Variants in TTLL5 observed in about 807,000 individuals in gnomAD.
The protein encoded by TTLL5 is tubulin tyrosine ligase like 5.
A neutral mutation model predicts 168.4 loss-of-function variants in TTLL5; 132 were observed. The observed-to-expected ratio is 0.78, with a 90% CI of 0.68 to 0.91. The LOEUF (loss-of-function observed/expected upper bound fraction) is 0.91. Ranked by LOEUF, TTLL5 falls within the 40% of genes least tolerant of loss-of-function variation. TTLL5 has a pLI of 0.00. For synonymous variants in TTLL5, 546 were observed against 558.6 expected (o/e 0.98, Z 0.32); for missense variants, 1,545 against 1,581.5 (o/e 0.98, Z 0.39).
chr14:75,687,263 A>G (rs1885132831), intron 5 of TTLL5, among the ~76,000 whole-genome samples: 1 of 152,138 alleles, frequency 6.6e-6, no homozygotes, highest in African/African-American at 2.4e-5. Flanking sequence ...GAAAAAATTG[A>G]TAAATTTGAC....
chr14:75,906,952 T>A (rs1225573634), intron 31 of TTLL5, among the ~76,000 whole-genome samples: 1 of 152,178 alleles, frequency 6.6e-6, no homozygotes, highest in Non-Finnish European at 1.5e-5. Context: ...ATACGAGGAT[T>A]TTAAGACAAT....
intron 22 of TTLL5, 105 bp downstream of exon 22, chr14:75,775,735 T>C (rs1290519170): frequency 2.2e-6 from 3 of 1,381,644 alleles, no homozygotes; most frequent in East Asian, 4.7e-5. Context: ...CTTCTTCTGT[T>C]CTCTGGCATC....
intron 6 of TTLL5, among the ~76,000 whole-genome samples, chr14:75,690,957 A>G (rs1183083169): frequency 2.6e-5 from 4 of 152,192 alleles, no homozygotes; most frequent in Non-Finnish European, 4.4e-5. Context: ...TGAATTATAC[A>G]TGCTTCCTTT....
intron 4 of TTLL5, among the ~76,000 whole-genome samples, chr14:75,681,844 T>G (rs1884638189): frequency 6.6e-6 from 1 of 152,030 alleles, no homozygotes; most frequent in Admixed American, 6.6e-5. Flanking sequence ...AAAAATTTTT[T>G]CTTGCTACGT....
chr14:75,870,670 TA>T (rs1254700982), intron 29 of TTLL5, among the ~76,000 whole-genome samples: 1 of 152,218 alleles, frequency 6.6e-6, no homozygotes, highest in East Asian at 1.9e-4. Context: ...CTGTTACTGG[TA>T]ATGCTATTTT....
At chr14:75,954,171 T>A (rs1216720871) in intron 31 of TTLL5, among the ~76,000 whole-genome samples, 1 of 146,342 alleles carries the variant, frequency 6.8e-6, no homozygotes, top group Non-Finnish European at 1.5e-5. Context: ...GAGAATGGTG[T>A]GAACCCGGGA....
At chr14:75,890,176 T>C (rs750635855) in intron 30 of TTLL5, among the ~76,000 whole-genome samples, 1 of 152,098 alleles carries the variant, frequency 6.6e-6, no homozygotes, top group Admixed American at 6.6e-5. Flanking sequence ...CCGCCACACA[T>C]AGGGAAGATG....
At chr14:75,827,851 G>C (rs1238172821) in intron 28 of TTLL5, among the ~76,000 whole-genome samples, 1 of 150,794 alleles carries the variant, frequency 6.6e-6, no homozygotes, top group African/African-American at 2.4e-5. Flanking sequence ...CCAAGTAGCT[G>C]GGACTACATG....
intron 28 of TTLL5, among the ~76,000 whole-genome samples, chr14:75,846,660 C>T (rs1235689013): frequency 2.0e-5 from 3 of 152,068 alleles, no homozygotes; most frequent in East Asian, 1.9e-4. Flanking sequence ...CATGGTGGCG[C>T]GTGCCCGTAA....
At chr14:75,897,729 T>C (rs2032735030) in intron 30 of TTLL5, among the ~76,000 whole-genome samples, 1 of 152,128 alleles carries the variant, frequency 6.6e-6, no homozygotes. Context: ...TGCCTCAGCC[T>C]CCCAAAGTGC....
chr14:75,946,001 T>C (rs912197045), intron 31 of TTLL5, among the ~76,000 whole-genome samples: 1 of 152,206 alleles, frequency 6.6e-6, no homozygotes, highest in Non-Finnish European at 1.5e-5. Context: ...AAAATATCTT[T>C]CATGAATGAG....
At chr14:75,917,473 AG>A (rs1254460260) in intron 31 of TTLL5, among the ~76,000 whole-genome samples, 1 of 152,220 alleles carries the variant, frequency 6.6e-6, no homozygotes, top group Non-Finnish European at 1.5e-5. Flanking sequence ...GCTGGTGATC[AG>A]GCCCTGTGGC....
At position 75,771,716 on chromosome 14, in the gene TTLL5, T is replaced by C. The variant is rs1566596876; in HGVS notation, c.2016-18T>C. The C allele has an allele frequency of 1.9e-6, 3 of 1,612,944 alleles. No individual in the cohort carries two copies. The highest frequency in any genetic ancestry group is 2.5e-6 in the Non-Finnish European group (3 of 1,179,656). ...ACACTTCTGTCACATAACGGTATGT[T>C]GTTTTGGATTTCTATAGCAAAATGC... On this transcript the variant is annotated intron_variant, in intron 20 of 31. Transcript: ENST00000298832.
intron 9 of TTLL5, among the ~76,000 whole-genome samples, chr14:75,713,252 A>G (rs138323284): frequency 1.4e-3 from 212 of 152,362 alleles, no homozygotes; most frequent in Admixed American, 2.2e-3. Context: ...GTAACATCAT[A>G]ACACAATGTA....
chr14:75,861,395 C>G (rs751415187), intron 28 of TTLL5, among the ~76,000 whole-genome samples: 88 of 152,286 alleles, frequency 5.8e-4, no homozygotes, highest in South Asian at 2.5e-3. Context: ...GCATGGACTT[C>G]TGAGCTTGGC....
At chr14:75,828,118 T>C (rs1006934583) in intron 28 of TTLL5, among the ~76,000 whole-genome samples, 8 of 152,090 alleles carry the variant, frequency 5.3e-5, no homozygotes, top group African/African-American at 1.9e-4. Flanking sequence ...AGGATTTAGA[T>C]GAGAAAAGCA....
chr14:75,713,391 G>A (rs1167730761), intron 9 of TTLL5, among the ~76,000 whole-genome samples: 2 of 152,202 alleles, frequency 1.3e-5, no homozygotes, highest in Non-Finnish European at 2.9e-5. Flanking sequence ...TATCCTAGGT[G>A]TGTAGTAGGC....
rs1895719264 is a variant in TTLL5, at chr14:75,833,814, ATAAAG to A, written c.3326+13657_3326+13661del. 2.0e-5 allele frequency among the ~76,000 whole-genome samples: 3 copies of A among 152,318 alleles called. No individual in the cohort carries two copies. The South Asian group carries it at 6.2e-4, about 32-fold the overall frequency. On this transcript the variant is annotated intron_variant, in intron 28 of 31. Coordinates refer to ENST00000298832, the MANE Select transcript of TTLL5 (RefSeq NM_015072.5). ...TGCAAATTCTCATGCTTACCTAGTGATAAAGTAAGGAGTGGAATCCAGGGCTTCTA... is the reference window on the plus strand; with the variant it reads ...TGCAAATTCTCATGCTTACCTAGTGATAAGGAGTGGAATCCAGGGCTTCTA...
At chr14:75,805,350 T>C (rs1391910035) in intron 27 of TTLL5, among the ~76,000 whole-genome samples, 7 of 152,210 alleles carry the variant, frequency 4.6e-5, no homozygotes, top group Admixed American at 1.3e-4. Flanking sequence ...ATAGATCTTA[T>C]GTGTATAAAG....
Sources: gnomAD v4.1 joint callset for allele counts (sites outside exome capture counted in the v4.1 genomes callset) on GRCh38, gnomAD v4.1.1 for gene constraint, MANE v1.5 for transcripts, NCBI Gene and HGNC (gene_info 2026-07-23, HGNC 2026-07-21) for gene names.